The following USP34 variants were observed in gnomAD, a reference collection of about 807,000 sequenced individuals.
The protein encoded by USP34 is ubiquitin carboxyl-terminal hydrolase 34.
In USP34, 70 loss-of-function variants were observed where a neutral mutation model predicts 460.3. The ratio of observed to expected loss-of-function variants is 0.15; its 90% CI spans 0.13 to 0.19. The LOEUF is 0.19. Ranked by LOEUF, USP34 falls within the 10% of genes least tolerant of loss-of-function variation. The pLI, the probability that USP34 is intolerant of heterozygous loss-of-function variation, is 1.00. For missense variants in USP34, 3,985 were observed against 4,236.2 expected (o/e 0.94, Z 1.65); for synonymous variants, 1,647 against 1,405.3 (o/e 1.17, Z -3.85).
At chr2:61,272,410 C>CA (rs768984469) in intron 41 of USP34, among the ~76,000 whole-genome samples, 16,799 of 82,194 alleles carry the variant, frequency 0.2, 1,409 homozygotes, top group African/African-American at 0.27. Context: ...GACCCCATCT[C>CA]AAAAAAAAAA....
intron 67 of USP34, among the ~76,000 whole-genome samples, chr2:61,219,488 C>T (rs566498929): frequency 3.8e-4 from 58 of 152,006 alleles, no homozygotes; most frequent in African/African-American, 1.3e-3. Context: ...CTGGTCAACA[C>T]GGTAAAACCC....
intron 1 of USP34, among the ~76,000 whole-genome samples, chr2:61,445,385 G>A (rs1175374467): frequency 2.0e-5 from 3 of 151,334 alleles, no homozygotes; most frequent in Non-Finnish European, 2.9e-5. Flanking sequence ...AATACAAAAA[G>A]TTAGCGGGGC....
intron 76 of USP34, among the ~76,000 whole-genome samples, chr2:61,192,399 G>A (rs950827493): frequency 2.6e-5 from 4 of 152,224 alleles, no homozygotes; most frequent in Admixed American, 6.5e-5. Flanking sequence ...GACACTTAAG[G>A]TAGGAACAGT....
chr2:61,428,946 A>G (rs1400900540), intron 1 of USP34, among the ~76,000 whole-genome samples: 1 of 152,258 alleles, frequency 6.6e-6, no homozygotes, highest in Non-Finnish European at 1.5e-5. Flanking sequence ...AACAAAACAC[A>G]AAGAGCAAAA....
Position 61,448,027 on chromosome 2 carries a change from T to C in USP34, c.43+22623A>G, listed in dbSNP as rs535975599. Among the ~76,000 whole-genome samples, 24 of 152,310 alleles carry C rather than the reference T, an allele frequency of 1.6e-4. No homozygotes were observed. The South Asian group carries it at 3.5e-3, about 22-fold the overall frequency. ...CAAGGATCTGTGAAATTTAATAAAA[T>C]TGAACATCAAGTCAAAATTTATTTT... On this transcript the variant is annotated intron_variant, in intron 1 of 79. Transcript: ENST00000398571.
Position 61,221,498 on chromosome 2 carries a change from T to C in USP34, c.7899+4A>G, listed in dbSNP as rs769059429. On this transcript the variant is annotated splice_donor_region_variant and intron_variant, in intron 66 of 79. Transcript: ENST00000398571. ...ACATTGAAAACACCTGCTGCAAGAC[T>C]TACCTCCCATATCCTCTGCAGAATA... The C allele has an allele frequency of 1.9e-6, 3 of 1,610,136 alleles. No homozygotes were observed. In the African/African-American group the frequency reaches 4.0e-5, roughly 22 times the overall value.
chr2:61,331,431 G>C, intron 19 of USP34, 60 bp from the exon 20 acceptor site: 1 of 1,337,234 alleles, frequency 7.5e-7, no homozygotes, highest in Non-Finnish European at 1.0e-6. Flanking sequence ...ATAAATCTAT[G>C]CTATGACAGT....
intron 41 of USP34, among the ~76,000 whole-genome samples, chr2:61,271,408 C>T (rs1372294700): frequency 2.6e-5 from 4 of 152,088 alleles, no homozygotes; most frequent in African/African-American, 9.7e-5. Context: ...CATGAGCAGC[C>T]ATAATTTTAA....
chr2:61,434,402 G>A (rs746015242), intron 1 of USP34, among the ~76,000 whole-genome samples: 1 of 152,078 alleles, frequency 6.6e-6, no homozygotes, highest in Non-Finnish European at 1.5e-5. Context: ...AGAAACCATG[G>A]GCCACTCCTG....
rs536580986 is a variant in USP34, at chr2:61,439,943, G to A, written c.44-19110C>T. 5.3e-5 allele frequency among the ~76,000 whole-genome samples: 8 copies of A among 152,262 alleles called. No homozygotes were observed. The East Asian group carries it at 5.8e-4, about 11-fold the overall frequency. On this transcript the variant is annotated intron_variant, in intron 1 of 79. Coordinates refer to ENST00000398571, the MANE Select transcript of USP34 (RefSeq NM_014709.4). ...GCTGGGCCAACAGGGTACAGGGAGC[G>A]GAGGATGTGGGAGGACAGGGGCATC...
At chr2:61,212,167 G>A (rs1687288063) in intron 68 of USP34, among the ~76,000 whole-genome samples, 1 of 152,188 alleles carries the variant, frequency 6.6e-6, no homozygotes, top group South Asian at 2.1e-4. Context: ...GAACTCAGGA[G>A]TTCGAGACCA....
intron 76 of USP34, 119 bp from the exon 77 acceptor site, chr2:61,190,777 A>G: frequency 1.6e-6 from 2 of 1,286,680 alleles, no homozygotes; most frequent in Non-Finnish European, 2.1e-6. Flanking sequence ...GCCACTGAAA[A>G]TCCTACTTGA....
chr2:61,399,453 T>A (rs1285349421), intron 3 of USP34, among the ~76,000 whole-genome samples: 1 of 152,142 alleles, frequency 6.6e-6, no homozygotes. Context: ...ATTTCCAATA[T>A]GAATACATAA....
intron 62 of USP34, 143 bp downstream of exon 62, chr2:61,226,924 T>A (rs3087777): frequency 0.51 from 535,947 of 1,049,932 alleles, 140,316 homozygotes; most frequent in African/African-American, 0.74. Context: ...TTTAAAAGGA[T>A]TTATATAATA....
intron 10 of USP34, among the ~76,000 whole-genome samples, chr2:61,360,773 A>C (rs1692251949): frequency 6.6e-6 from 1 of 152,090 alleles, no homozygotes; most frequent in African/African-American, 2.4e-5. Flanking sequence ...CCTCCACCTC[A>C]GCCTCCCAAG....
At chr2:61,447,890 A>AT (rs1049755249) in intron 1 of USP34, among the ~76,000 whole-genome samples, 2 of 152,046 alleles carry the variant, frequency 1.3e-5, no homozygotes, top group Admixed American at 6.6e-5. Context: ...TAATTTTTGT[A>AT]TTTTTAGTAG....
intron 27 of USP34, among the ~76,000 whole-genome samples, chr2:61,304,414 C>G (rs72813523): frequency 0.084 from 12,783 of 152,192 alleles, 678 homozygotes; most frequent in Admixed American, 0.14. Context: ...GTGTTAATGA[C>G]AAGTGTTATG....
intron 50 of USP34, 58 bp downstream of exon 50, chr2:61,246,266 A>C: frequency 7.5e-7 from 1 of 1,340,102 alleles, no homozygotes; most frequent in Non-Finnish European, 9.8e-7. Context: ...AAACACTGAA[A>C]ACATATCAGA....
intron 2 of USP34, among the ~76,000 whole-genome samples, chr2:61,417,744 C>CTTTTTTTTTTTTT (rs55680146): frequency 3.4e-5 from 3 of 87,940 alleles, no homozygotes; most frequent in Admixed American, 1.3e-4. Flanking sequence ...TTTTTCTTTT[C>CTTTTTTTTTTTTT]TTTTTTTTTT....
Sources: allele counts gnomAD v4.1 joint callset (sites outside exome capture counted in the v4.1 genomes callset), GRCh38; gene constraint gnomAD v4.1.1; transcripts MANE v1.5; gene names NCBI Gene and HGNC (gene_info 2026-07-23, HGNC 2026-07-21).